The following SH3BP4 variants were observed in gnomAD, a reference collection of about 807,000 sequenced individuals.
SH3BP4 encodes SH3 domain-binding protein 4.
In SH3BP4, 33 loss-of-function variants were observed where a neutral mutation model predicts 65.5. The ratio of observed to expected loss-of-function variants is 0.50; its 90% confidence interval spans 0.38 to 0.67. The LOEUF (loss-of-function observed/expected upper bound fraction) is 0.67, where lower values mean the gene tolerates loss of function less well. Ranked by LOEUF, SH3BP4 falls within the 30% of genes least tolerant of loss-of-function variation. The probability of loss-of-function intolerance (pLI) is 0.00; values close to 1 mark genes in which losing one functional copy is unlikely to be tolerated. For synonymous variants in SH3BP4, 552 were observed against 545.5 expected, an observed-to-expected ratio of 1.01 and a Z score of -0.17; for missense variants, 1,134 against 1,261.4, an observed-to-expected ratio of 0.90 and a Z score of 1.53.
In SH3BP4 at chr2:235,052,842, C is replaced by CCGCGA; in HGVS notation, c.2667+92_2667+93insCGCGA. 1.6e-6 allele frequency: 2 copies of CCGCGA among 1,276,942 alleles called. No individual in the cohort carries two copies. The highest frequency in any genetic ancestry group is 2.1e-6 in the Non-Finnish European group (2 of 941,440). The allele number at this position is 1,276,942 out of a possible 1,614,324, so 79.1% of individuals were successfully genotyped here. ...TGCAGCCATAAAAAGTCTTGCCTCG[C>CCGCGA]GGCATTTCTGTGAGGGTGCAACAGG... On this transcript the variant is annotated intron_variant, in intron 5 of 5. Transcript: ENST00000392011. This position sits in a 1 kb window ranked among gnomAD's most constrained non-coding sequence, Gnocchi z 5.0.
rs1695808021 is a variant in SH3BP4, at chr2:235,045,130, T to G, written c.2478+1883T>G. Among the ~76,000 whole-genome samples, 1 of 152,150 alleles carries G rather than the reference T, an allele frequency of 6.6e-6. No individual in the cohort carries two copies. Among genetic ancestry groups the G allele is most frequent in the African/African-American group, 2.4e-5 (1 of 41,448 alleles). ...GGTGCCGGGCCGTGGCCTGGTCTCC[T>G]CACGGGTGCACCCAGCACAGTGGCA... On this transcript the variant is annotated intron_variant, in intron 4 of 5. Coordinates refer to ENST00000392011, the MANE Select transcript of SH3BP4 (RefSeq NM_014521.3). The surrounding 1 kb of genome is among the most constrained non-coding windows in gnomAD (Gnocchi z 4.3).
chr2:235,018,274 G>C (rs1694750530), intron 2 of SH3BP4, among the ~76,000 whole-genome samples: 1 of 152,172 alleles, frequency 6.6e-6, no homozygotes, highest in African/African-American at 2.4e-5. Context: ...GAAGCCAGGG[G>C]ATTGGGCAGG....
chr2:235,032,024 TGAGGCGGCGCGGTGGCC>T (rs1695218748), intron 2 of SH3BP4, among the ~76,000 whole-genome samples: 1 of 152,220 alleles, frequency 6.6e-6, no homozygotes, highest in Admixed American at 6.5e-5. Flanking sequence ...GCTATAGTCA[TGAGGCGGCGCGGTGGCC>T]GAGGTGGCCG....
chr2:235,031,990 G>C (rs570275173), intron 2 of SH3BP4, among the ~76,000 whole-genome samples: 10 of 152,318 alleles, frequency 6.6e-5, no homozygotes, highest in Admixed American at 3.3e-4. Context: ...AATTCCTCCT[G>C]GCATGAATGT....
chr2:234,963,899 T>A (rs1215085985), intron 1 of SH3BP4, among the ~76,000 whole-genome samples: 1 of 152,186 alleles, frequency 6.6e-6, no homozygotes, highest in African/African-American at 2.4e-5. Context: ...CTGGGTTCAC[T>A]AAGGGGAGAG....
intron 3 of SH3BP4, among the ~76,000 whole-genome samples, chr2:235,039,001 G>A (rs1050140428): frequency 3.3e-5 from 5 of 152,140 alleles, no homozygotes; most frequent in Admixed American, 2.6e-4. Context: ...TATGACAAGT[G>A]CCTTATCTAC....
intron 4 of SH3BP4, among the ~76,000 whole-genome samples, chr2:235,044,201 T>A (rs1171860527): frequency 6.6e-6 from 1 of 152,360 alleles, no homozygotes; most frequent in South Asian, 2.1e-4. Context: ...TTGGTTTGAG[T>A]TGGGGCGAGG....
At chr2:235,029,948 G>A (rs1170769523) in intron 2 of SH3BP4, among the ~76,000 whole-genome samples, 2 of 152,186 alleles carry the variant, frequency 1.3e-5, no homozygotes, top group African/African-American at 4.8e-5. Flanking sequence ...TGAGGTTGAA[G>A]GAACAATGCA....
chr2:234,954,414 C>G (rs559022441), intron 1 of SH3BP4, among the ~76,000 whole-genome samples: 2 of 152,110 alleles, frequency 1.3e-5, no homozygotes, highest in African/African-American at 4.8e-5. Flanking sequence ...TCCACCAGCA[C>G]GTGGATCTGA....
At chr2:235,004,922 TCTC>T (rs1390323417) in intron 2 of SH3BP4, among the ~76,000 whole-genome samples, 1 of 152,166 alleles carries the variant, frequency 6.6e-6, no homozygotes, top group Non-Finnish European at 1.5e-5. Context: ...TTTGATTCCT[TCTC>T]CTCCACCCCA....
intron 4 of SH3BP4, among the ~76,000 whole-genome samples, chr2:235,048,142 C>G (rs1344845157): frequency 6.6e-6 from 1 of 152,042 alleles, no homozygotes; most frequent in Non-Finnish European, 1.5e-5. Flanking sequence ...GGATTCCTCC[C>G]AGGCAGCCCC....
intron 1 of SH3BP4, among the ~76,000 whole-genome samples, chr2:234,973,088 A>G (rs192624730): frequency 6.6e-6 from 1 of 152,312 alleles, no homozygotes; most frequent in Non-Finnish European, 1.5e-5. Context: ...AGAGCCTCGG[A>G]AAGAAATTAA....
At chr2:235,001,659 A>C (rs1407557225) in intron 2 of SH3BP4, among the ~76,000 whole-genome samples, 1 of 152,168 alleles carries the variant, frequency 6.6e-6, no homozygotes, top group Non-Finnish European at 1.5e-5. Context: ...CTGAACGTCG[A>C]AGGTGCTCCC....
intron 3 of SH3BP4, among the ~76,000 whole-genome samples, chr2:235,036,764 T>C (rs1448445763): frequency 1.3e-5 from 2 of 150,844 alleles, no homozygotes; most frequent in African/African-American, 2.4e-5. Flanking sequence ...ATAATGACAG[T>C]GCTCTGGAGG....
At position 235,001,015 on chromosome 2, in the gene SH3BP4, C is replaced by T. The variant is rs574997644; in HGVS notation, c.-133+5639C>T. On this transcript the variant is annotated intron_variant, in intron 2 of 5. Transcript: ENST00000392011. ...TTACCTTATCATTGCCCATAAATCC[C>T]GTTTACACGGTGCCCACTTTTGTGT... is the stretch of plus-strand genomic sequence containing the variant. Among the ~76,000 whole-genome samples the T allele has an allele frequency of 7.2e-5, 11 of 152,362 alleles. No individual in the cohort carries two copies. The East Asian group carries it at 1.7e-3, about 24-fold the overall frequency.
At chr2:235,018,554 G>A (rs1483908215) in intron 2 of SH3BP4, among the ~76,000 whole-genome samples, 1 of 152,180 alleles carries the variant, frequency 6.6e-6, no homozygotes, top group African/African-American at 2.4e-5. Flanking sequence ...ATCTTTGCAA[G>A]CAAACATTCC....
rs1187572273 is a variant in SH3BP4 at position 235,033,272 on chromosome 2, C to T, written c.-132-1599C>T. 6.6e-6 allele frequency among the ~76,000 whole-genome samples: 1 copy of T among 152,180 alleles called. No homozygotes were observed. The highest frequency in any genetic ancestry group is 1.5e-5 in the Non-Finnish European group (1 of 68,020). On this transcript the variant is annotated intron_variant, in intron 2 of 5. Transcript: ENST00000392011. This position sits in a 1 kb window ranked among gnomAD's most constrained non-coding sequence, Gnocchi z 5.7. ...CCAACTCTGTTCCTAGGAGGGCCCT[C>T]TTCCTGGCTTCATGTGTCCTCACGT...
In SH3BP4 at chr2:234,956,037, T is replaced by A. The variant is rs144690959; in HGVS notation, c.-207+3867T>A. Among the ~76,000 whole-genome samples, 183 of 152,248 alleles carry A rather than the reference T, an allele frequency of 1.2e-3. 3 individuals carry two copies. In the South Asian group the frequency reaches 0.029, roughly 24 times the overall value. ...GAGCCTGAAGATACAGGCATGCAAA[T>A]AGCGGAGTGCCAGCCTCCCTCACAC... On this transcript the variant is annotated intron_variant, in intron 1 of 5. Transcript: ENST00000392011.
chr2:234,999,991 G>A (rs777481534), intron 2 of SH3BP4, among the ~76,000 whole-genome samples: 38 of 152,324 alleles, frequency 2.5e-4, no homozygotes, highest in Admixed American at 5.2e-4. Context: ...GAAGCAGCTG[G>A]TTGGGCCAGC....
Sources: allele counts gnomAD v4.1 joint callset (sites outside exome capture counted in the v4.1 genomes callset), GRCh38; gene constraint gnomAD v4.1.1; non-coding constraint Gnocchi (gnomAD v3.1); transcripts MANE v1.5; gene names NCBI Gene and HGNC (gene_info 2026-07-23, HGNC 2026-07-21).